The following FGD5 variants were observed in gnomAD, a reference collection of about 807,000 sequenced individuals.
FGD5 encodes FYVE, RhoGEF and PH domain-containing protein 5.
FGD5 carries 28 observed loss-of-function variants against 133.4 expected under a neutral mutation model. The observed-to-expected ratio is 0.21, with a 90% CI of 0.16 to 0.29. The LOEUF (loss-of-function observed/expected upper bound fraction) is 0.29. FGD5 is among the 10% of genes least tolerant of loss of function. FGD5 has a pLI of 1.00. For synonymous variants in FGD5, 810 were observed against 776.5 expected, an observed-to-expected ratio of 1.04 and a Z score of -0.72; for missense variants, 1,858 against 1,895.2, an observed-to-expected ratio of 0.98 and a Z score of 0.36.
chr3:14,904,475 T>C (rs1342818978), intron 9 of FGD5, among the ~76,000 whole-genome samples: 1 of 151,130 alleles, frequency 6.6e-6, no homozygotes, highest in Non-Finnish European at 1.5e-5. Context: ...CTGTGCCCTT[T>C]TCACATGGTG....
At chr3:14,884,207 C>T (rs1295143037) in intron 4 of FGD5, among the ~76,000 whole-genome samples, 1 of 152,126 alleles carries the variant, frequency 6.6e-6, no homozygotes, top group African/African-American at 2.4e-5. Context: ...TCTGTTTTTT[C>T]ATCTAAAACA....
At chr3:14,875,627 G>T (rs1192805154) in intron 2 of FGD5, among the ~76,000 whole-genome samples, 3 of 152,278 alleles carry the variant, frequency 2.0e-5, no homozygotes, top group Non-Finnish European at 4.4e-5. Context: ...ACAGAAGGAG[G>T]CTGTGGGAAT....
intron 18 of FGD5, among the ~76,000 whole-genome samples, chr3:14,927,802 G>A (rs1346472526): frequency 1.3e-5 from 2 of 152,014 alleles, no homozygotes; most frequent in Non-Finnish European, 2.9e-5. Context: ...TTGCTTCGTT[G>A]TCCAAGGCTG....
chr3:14,845,067 T>C (rs1242275572), intron 1 of FGD5, among the ~76,000 whole-genome samples: 4 of 152,162 alleles, frequency 2.6e-5, no homozygotes, highest in Non-Finnish European at 5.9e-5. Flanking sequence ...GCAGAAATTC[T>C]GCCTCCACTC....
intron 7 of FGD5, 31 bp downstream of exon 7, chr3:14,898,857 A>T (rs2038186736): frequency 1.9e-6 from 3 of 1,549,828 alleles, no homozygotes; most frequent in Non-Finnish European, 2.6e-6. Context: ...ATGGGGACTG[A>T]GGCGGCAGGG....
chr3:14,905,104 C>T (rs370697462), intron 9 of FGD5, among the ~76,000 whole-genome samples: 134 of 152,266 alleles, frequency 8.8e-4, no homozygotes, highest in South Asian at 8.3e-3. Context: ...GTTCCTACCA[C>T]CCATTAATTT....
At position 14,819,285 on chromosome 3, in the gene FGD5, C is replaced by T; in HGVS notation, c.214C>T (p.Pro72Ser). ...DEDYIVVPRV[P>S]LREDEPKDEG... ...GGATTACATCGTGGTCCCCAGGGTT[C>T]CGCTGAGGGAGGATGAACCCAAGGA... The change falls in exon 1 of 20, where the codon CCG (proline) becomes TCG (serine). Residue 72 changes from proline (P) to serine (S), a missense_variant. Coordinates refer to ENST00000285046, the MANE Select transcript of FGD5 (RefSeq NM_152536.4). This position sits in a 1 kb window ranked among gnomAD's most constrained non-coding sequence, Gnocchi z 4.1. 1.3e-6 allele frequency: 2 copies of T among 1,530,212 alleles called. No individual in the cohort carries two copies. The highest frequency in any genetic ancestry group is 8.8e-7 in the Non-Finnish European group (1 of 1,135,884). The allele number at this position is 1,530,212 out of a possible 1,614,324, so 94.8% of individuals were successfully genotyped here. A position where few individuals can be genotyped will look rare whatever the true frequency, so the allele number is the denominator to read the frequency against.
rs564223867 is a variant in FGD5 at position 14,833,136 on chromosome 3, C to T, written c.2525+11540C>T. ...TGAAGGCAGCCACTGAGCCATGTGT[C>T]GGGGAATTCCGAGCTTGCATCTAAG... On this transcript the variant is annotated intron_variant, in intron 1 of 19. Transcript: ENST00000285046. Among the ~76,000 whole-genome samples, 10 of 152,288 alleles carry T rather than the reference C, an allele frequency of 6.6e-5. No individual in the cohort carries two copies. In the East Asian group the frequency reaches 1.4e-3, roughly 21 times the overall value.
Position 14,924,323 on chromosome 3 carries a change from T to C in FGD5, c.4068+185T>C, listed in dbSNP as rs192062312. The stretch of plus-strand genomic sequence containing the variant: ...ACAGTGATGGTGCTAGGCGACATCT[T>C]TCCCATCCTTCTCTCTACCTCTCCC... On this transcript the variant is annotated intron_variant, in intron 17 of 19. Coordinates refer to ENST00000285046, the MANE Select transcript of FGD5 (RefSeq NM_152536.4). 4.1e-3 allele frequency among the ~76,000 whole-genome samples: 622 copies of C among 152,232 alleles called. 6 individuals are homozygous for C. The highest frequency in any genetic ancestry group is 0.014 in the African/African-American group (596 of 41,532).
intron 9 of FGD5, among the ~76,000 whole-genome samples, chr3:14,906,220 A>T (rs293912): frequency 1.3e-4 from 20 of 152,126 alleles, no homozygotes; most frequent in African/African-American, 4.3e-4. Flanking sequence ...TCAGTGCTGG[A>T]CTTATGGTGG....
rs534933497 is a variant in FGD5 at position 14,922,716 on chromosome 3, A to T, written c.3807+168A>T. Among the ~76,000 whole-genome samples, 2 of 152,240 alleles carry T rather than the reference A, an allele frequency of 1.3e-5. 1 individual carries two copies. Among genetic ancestry groups the T allele is most frequent in the Admixed American group, 1.3e-4 (2 of 15,294 alleles). On this transcript the variant is annotated intron_variant, in intron 15 of 19. Coordinates refer to ENST00000285046, the MANE Select transcript of FGD5 (RefSeq NM_152536.4). This position sits in a 1 kb window ranked among gnomAD's most constrained non-coding sequence, Gnocchi z 4.1. Reference sequence around the variant, plus strand: ...CAGATTGCTAATTCCCATTTTATAGATCATCAAACCAGAGCTCCAAGTCCC... The same window carrying T: ...CAGATTGCTAATTCCCATTTTATAGTTCATCAAACCAGAGCTCCAAGTCCC...
chr3:14,828,505 C>G (rs897637765), intron 1 of FGD5, among the ~76,000 whole-genome samples: 2 of 152,114 alleles, frequency 1.3e-5, no homozygotes, highest in Non-Finnish European at 2.9e-5. Flanking sequence ...GGCTTGAGGA[C>G]TAAACACAAA....
intron 1 of FGD5, among the ~76,000 whole-genome samples, chr3:14,824,916 T>C (rs569474315): frequency 3.3e-5 from 5 of 152,328 alleles, no homozygotes; most frequent in African/African-American, 4.8e-5. Context: ...CCTGATCTCT[T>C]TGTTAAACAG....
chr3:14,897,398 C>T, intron 4 of FGD5, 111 bp from the exon 5 acceptor site: 1 of 1,279,632 alleles, frequency 7.8e-7, no homozygotes, highest in Non-Finnish European at 1.1e-6. Context: ...CTTAAGTCCT[C>T]ACTGCTGTCT....
chr3:14,924,828 G>A (rs1329962695), intron 17 of FGD5, among the ~76,000 whole-genome samples: 2 of 152,092 alleles, frequency 1.3e-5, no homozygotes, highest in South Asian at 2.1e-4. Flanking sequence ...ACGGCCGGGC[G>A]CGGTGGCTCA....
At chr3:14,846,096 T>C (rs1395213380) in intron 1 of FGD5, among the ~76,000 whole-genome samples, 1 of 152,244 alleles carries the variant, frequency 6.6e-6, no homozygotes, top group Non-Finnish European at 1.5e-5. Context: ...GCTTGTTTCA[T>C]GTCGGAATTA....
chr3:14,885,240 A>G (rs1323694740), intron 4 of FGD5, among the ~76,000 whole-genome samples: 1 of 151,574 alleles, frequency 6.6e-6, no homozygotes, highest in Non-Finnish European at 1.5e-5. Flanking sequence ...CCTCTAGTGG[A>G]CAAGGGTCCA....
At chr3:14,884,801 C>T (rs1163010565) in intron 4 of FGD5, among the ~76,000 whole-genome samples, 1 of 152,164 alleles carries the variant, frequency 6.6e-6, no homozygotes, top group Non-Finnish European at 1.5e-5. Context: ...GGGAAGTGAC[C>T]AACTCAGCAT....
At chr3:14,856,699 A>G (rs922963341) in intron 1 of FGD5, among the ~76,000 whole-genome samples, 6 of 151,786 alleles carry the variant, frequency 4.0e-5, no homozygotes, top group African/African-American at 7.3e-5. Flanking sequence ...TTTATTGTTC[A>G]TGTATAGAAA....
Sources: gnomAD v4.1 joint callset for allele counts (sites outside exome capture counted in the v4.1 genomes callset) on GRCh38, gnomAD v4.1.1 for gene constraint, Gnocchi (gnomAD v3.1) non-coding constraint, MANE v1.5 for transcripts, NCBI Gene and HGNC (gene_info 2026-07-23, HGNC 2026-07-21) for gene names.